The following PPP4R2 variants were observed in gnomAD, a reference collection of about 807,000 sequenced individuals.
The protein encoded by PPP4R2 is serine/threonine-protein phosphatase 4 regulatory subunit 2.
Under a neutral mutation model 47.2 loss-of-function variants are expected in PPP4R2, and 13 were observed. That is an observed-to-expected ratio of 0.28 (90% CI 0.18 to 0.44). PPP4R2 has a LOEUF of 0.44. PPP4R2 is among the 20% of genes least tolerant of loss of function. The pLI, the probability that PPP4R2 is intolerant of heterozygous loss-of-function variation, is 1.00. For synonymous variants in PPP4R2, 151 were observed against 163.3 expected (o/e 0.92, Z 0.57); for missense variants, 421 against 491.2 (o/e 0.86, Z 1.35).
At chr3:73,001,056 T>G (rs889504834) in intron 2 of PPP4R2, among the ~76,000 whole-genome samples, 1 of 152,140 alleles carries the variant, frequency 6.6e-6, no homozygotes, top group Non-Finnish European at 1.5e-5. Flanking sequence ...TATAAGAATA[T>G]GTTCCAAGCT....
chr3:73,005,810 C>T (rs1352079882), intron 2 of PPP4R2, among the ~76,000 whole-genome samples: 1 of 112,898 alleles, frequency 8.9e-6, no homozygotes, highest in Non-Finnish European at 1.8e-5. Flanking sequence ...CCAGTCTGGG[C>T]AACAAGAGTG....
intron 2 of PPP4R2, among the ~76,000 whole-genome samples, chr3:73,031,163 A>G (rs1356133855): frequency 6.6e-6 from 1 of 152,234 alleles, no homozygotes. Flanking sequence ...TAGCTCATCA[A>G]GAACTATAAA....
chr3:72,999,302 T>C (rs372634225), intron 2 of PPP4R2, among the ~76,000 whole-genome samples: 4 of 152,320 alleles, frequency 2.6e-5, no homozygotes, highest in Admixed American at 2.0e-4. Context: ...TAGAACATCT[T>C]GATTTAGAAC....
chr3:73,005,914 T>G (rs188967208), intron 2 of PPP4R2, among the ~76,000 whole-genome samples: 1 of 151,192 alleles, frequency 6.6e-6, no homozygotes, highest in East Asian at 1.9e-4. Flanking sequence ...GGTTGCTAAG[T>G]TTTCATATCT....
intron 2 of PPP4R2, among the ~76,000 whole-genome samples, chr3:73,043,828 TGTATGTTAC>T (rs1442100630): frequency 4.6e-5 from 7 of 152,234 alleles, no homozygotes; most frequent in African/African-American, 1.7e-4. Context: ...ACACTCACGA[TGTATGTTAC>T]CATCACTATC....
At chr3:73,034,155 T>C (rs1029546591) in intron 2 of PPP4R2, among the ~76,000 whole-genome samples, 11 of 152,218 alleles carry the variant, frequency 7.2e-5, no homozygotes, top group African/African-American at 2.7e-4. Flanking sequence ...TTTTTTTCTT[T>C]TTAAACTGGT....
chr3:73,057,003 T>G (rs916785421), intron 3 of PPP4R2, among the ~76,000 whole-genome samples: 1 of 152,142 alleles, frequency 6.6e-6, no homozygotes, highest in African/African-American at 2.4e-5. Context: ...GGTGCTATTT[T>G]GTATATTTTG....
intron 3 of PPP4R2, among the ~76,000 whole-genome samples, chr3:73,050,102 G>T (rs1265005842): frequency 6.6e-6 from 1 of 151,962 alleles, no homozygotes; most frequent in African/African-American, 2.4e-5. Context: ...ACCACACCCA[G>T]CTATGTTTTT....
At chr3:73,062,749 C>G (rs186870577) in intron 5 of PPP4R2, 7 of 1,613,996 alleles carry the variant, frequency 4.3e-6, no homozygotes, top group Non-Finnish European at 5.9e-6. Flanking sequence ...GGAAGACTTT[C>G]ACATGGTGAG....
chr3:73,022,345 G>C (rs760091188), intron 2 of PPP4R2, among the ~76,000 whole-genome samples: 1 of 151,998 alleles, frequency 6.6e-6, no homozygotes, highest in African/African-American at 2.4e-5. Context: ...TTTTAAATAA[G>C]CTTAGGTTAG....
At chr3:73,033,710 C>T (rs1038950750) in intron 2 of PPP4R2, among the ~76,000 whole-genome samples, 3 of 152,158 alleles carry the variant, frequency 2.0e-5, no homozygotes, top group South Asian at 4.1e-4. Flanking sequence ...TCCTTCCAAT[C>T]CCTGTCTAGC....
intron 2 of PPP4R2, among the ~76,000 whole-genome samples, chr3:73,039,210 G>A (rs1450897592): frequency 6.6e-6 from 1 of 152,060 alleles, no homozygotes; most frequent in Non-Finnish European, 1.5e-5. Context: ...TGCAACCTCG[G>A]CCTCCCAGGT....
chr3:73,062,955 C>A, intron 5 of PPP4R2: 1 of 1,481,462 alleles, frequency 6.8e-7, no homozygotes, highest in Non-Finnish European at 9.4e-7. Context: ...GTTTCTAGAT[C>A]AGTGCATGGA....
intron 3 of PPP4R2, among the ~76,000 whole-genome samples, chr3:73,049,360 G>A (rs1051383619): frequency 3.3e-5 from 5 of 152,004 alleles, no homozygotes; most frequent in African/African-American, 1.2e-4. Context: ...TCAGCTGGGC[G>A]TTGTCGCGGA....
chr3:73,026,453 C>G (rs1702064552), intron 2 of PPP4R2, among the ~76,000 whole-genome samples: 1 of 152,010 alleles, frequency 6.6e-6, no homozygotes, highest in Admixed American at 6.6e-5. Context: ...ACTCAGCCCA[C>G]TTCTATCATC....
At chr3:73,002,126 C>G (rs1406460763) in intron 2 of PPP4R2, among the ~76,000 whole-genome samples, 1 of 152,236 alleles carries the variant, frequency 6.6e-6, no homozygotes, top group Admixed American at 6.5e-5. Flanking sequence ...GACTTAACTT[C>G]ACTTAACATA....
Position 73,064,118 on chromosome 3 carries a change from T to A in PPP4R2, c.610T>A (p.Leu204Met), listed in dbSNP as rs1702933020. 2.5e-6 allele frequency: 4 copies of A among 1,610,384 alleles called. No homozygotes were observed. The highest frequency in any genetic ancestry group is 3.4e-6 in the Non-Finnish European group (4 of 1,179,120). ...GAGCACAGACAGCAAAGAGGCAAAT[T>A]TGCAGCAAAATGAGGAGAAAAATCA... ...PESTDSKEAN[L>M]QQNEEKNHSD... The change falls in exon 7 of 9, where the codon TTG becomes ATG. Residue 204 changes from leucine to methionine, a missense_variant. Physicochemically the swap from Leu to Met is conservative, Grantham distance 15. Around this residue, in one of 2 missense-constraint regions of PPP4R2, gnomAD observed 317 missense variants for 287.5 expected, o/e 1.10. Coordinates refer to ENST00000356692, the MANE Select transcript of PPP4R2 (RefSeq NM_174907.4).
chr3:73,000,728 G>A (rs918131881), intron 2 of PPP4R2, among the ~76,000 whole-genome samples: 1 of 152,174 alleles, frequency 6.6e-6, no homozygotes, highest in African/African-American at 2.4e-5. Flanking sequence ...CAGGTGAATT[G>A]TTTCTGGCCA....
Position 73,065,775 on chromosome 3 carries a change from C to T in PPP4R2, c.*53C>T, listed in dbSNP as rs1702982830. The T allele has an allele frequency of 2.4e-6, 3 of 1,232,786 alleles. No homozygotes were observed. The African/African-American group carries it at 4.6e-5, about 19-fold the overall frequency. 76.4% of individuals were successfully genotyped at this position (1,232,786 alleles called of 1,614,324 possible). ...TTTACATACAGTTCTGGTTTTAACA[C>T]TGTATAAAACTTTTGTGTAATAAAA... On this transcript the variant is annotated 3_prime_UTR_variant, in exon 9 of 9. Coordinates refer to ENST00000356692, the MANE Select transcript of PPP4R2 (RefSeq NM_174907.4).
Sources: gnomAD v4.1 joint callset for allele counts (sites outside exome capture counted in the v4.1 genomes callset) on GRCh38, gnomAD v4.1.1 for gene constraint, gnomAD v4.1.1 regional missense constraint, MANE v1.5 for transcripts, NCBI Gene and HGNC (gene_info 2026-07-23, HGNC 2026-07-21) for gene names.